The following MAST3 variants were observed in gnomAD, a reference collection of about 807,000 sequenced individuals.
The protein encoded by MAST3 is microtubule-associated serine/threonine-protein kinase 3.
Under a neutral mutation model 127.0 loss-of-function variants are expected in MAST3, and 43 were observed. The observed-to-expected ratio is 0.34, with a 90% CI of 0.27 to 0.44. The LOEUF (loss-of-function observed/expected upper bound fraction) is 0.44. Among genes scored for constraint, MAST3 ranks in the 20% least tolerant of loss-of-function variants. The pLI, the probability that MAST3 is intolerant of heterozygous loss-of-function variation, is 1.00. For missense variants in MAST3, 1,390 were observed against 1,919.1 expected, an observed-to-expected ratio of 0.72 and a Z score of 5.15; for synonymous variants, 785 against 809.2, an observed-to-expected ratio of 0.97 and a Z score of 0.51.
At chr19:18,109,600 TGAGA>T (rs1281345195) in intron 2 of MAST3, among the ~76,000 whole-genome samples, 8 of 151,750 alleles carry the variant, frequency 5.3e-5, no homozygotes, top group African/African-American at 1.9e-4. Context: ...GGGTTTGCGC[TGAGA>T]GGGAGGAAGG....
rs1254284604 is a variant in MAST3 at position 18,098,298 on chromosome 19, C to T, written c.39+467C>T. On this transcript the variant is annotated intron_variant, in intron 1 of 27. Coordinates refer to ENST00000687212, the MANE Select transcript of MAST3 (RefSeq NM_001393504.1). ...TGGGGAGGTTGGGGCTGTCAGGCGC[C>T]CATTTGTCAGAATAAGGAAACTGAG... Among the ~76,000 whole-genome samples the T allele has an allele frequency of 2.0e-5, 3 of 152,190 alleles. No individual in the cohort carries two copies. The South Asian group carries it at 6.2e-4, about 32-fold the overall frequency.
At chr19:18,124,409 C>T in intron 10 of MAST3, 43 bp downstream of exon 10, 1 of 1,533,202 alleles carries the variant, frequency 6.5e-7, no homozygotes. Context: ...CCAGGCAGAA[C>T]TGAGATTGGG....
intron 20 of MAST3, among the ~76,000 whole-genome samples, chr19:18,139,944 C>T (rs1210650062): frequency 3.3e-5 from 5 of 149,420 alleles, no homozygotes; most frequent in African/African-American, 1.2e-4. Flanking sequence ...CTCAGCCTCC[C>T]AAGTAGCTGG....
intron 14 of MAST3, among the ~76,000 whole-genome samples, chr19:18,131,087 C>G (rs1425025196): frequency 6.6e-6 from 1 of 152,188 alleles, no homozygotes; most frequent in Non-Finnish European, 1.5e-5. Flanking sequence ...CAGCTGTATA[C>G]AGCACTAATT....
At chr19:18,102,419 T>C (rs1189710376) in intron 1 of MAST3, among the ~76,000 whole-genome samples, 2 of 151,554 alleles carry the variant, frequency 1.3e-5, no homozygotes, top group African/African-American at 4.9e-5. Context: ...CCTCAGGTGA[T>C]CTGCCTGCCT....
intron 4 of MAST3, 37 bp from the exon 5 acceptor site, chr19:18,121,816 C>T (rs2147172000): frequency 6.2e-7 from 1 of 1,613,642 alleles, no homozygotes; most frequent in Non-Finnish European, 8.5e-7. Flanking sequence ...CCTGCCTCTG[C>T]CCCGCTGACT....
At position 18,128,442 on chromosome 19, in the gene MAST3, C is replaced by G. The variant is rs1232318966; in HGVS notation, c.1121C>G (p.Ala374Gly). 3.2e-6 allele frequency: 5 copies of G among 1,556,486 alleles called. No individual in the cohort carries two copies. The highest frequency in any genetic ancestry group is 4.3e-6 in the Non-Finnish European group (5 of 1,150,026). Residue 374 changes from alanine (A) to glycine (G), a missense_variant, in exon 12 of 28, where the codon GCA becomes GGA. Coordinates refer to ENST00000687212, the MANE Select transcript of MAST3 (RefSeq NM_001393504.1). ...LSHLEEEQPP[A>G]PESPESRALV... ...CACCTCGAAGAAGAACAGCCCCCAG[C>G]ACCTGAGTCCCCAGAGGTGAGTAGC...
chr19:18,130,718 C>T lies in MAST3; in HGVS notation c.1432+16C>T. On this transcript the variant is annotated intron_variant, in intron 14 of 27. Coordinates refer to ENST00000687212, the MANE Select transcript of MAST3 (RefSeq NM_001393504.1). ...TACGTGGAAGGTACGCTCACTGGGG[C>T]TTGCATGCCTCCAGCGATGGGGAGC... The T allele has an allele frequency of 6.2e-7, 1 of 1,609,990 alleles. No homozygotes were observed. Among genetic ancestry groups the T allele is most frequent in the Non-Finnish European group, 8.5e-7 (1 of 1,177,816 alleles).
chr19:18,149,270 C>T lies in MAST3; in HGVS notation c.3588C>T (p.Pro1196=), dbSNP rs755467752. The T allele has an allele frequency of 6.4e-7, 1 of 1,552,624 alleles. No homozygotes were observed. The highest frequency in any genetic ancestry group is 8.7e-7 in the Non-Finnish European group (1 of 1,152,804). ...ASPAAAGHTR[P]SSLHGLAAKL... Reference sequence around the variant, plus strand: ...CAGCTGCTGCTGGCCACACCCGCCCCAGCTCCCTGCACGGCCTGGCTGCCA... The same window carrying T: ...CAGCTGCTGCTGGCCACACCCGCCCTAGCTCCCTGCACGGCCTGGCTGCCA... Residue 1196 remains proline, a synonymous_variant, in exon 28 of 28, where the codon CCC becomes CCT. Transcript: ENST00000687212. The surrounding 1 kb of genome is among the most constrained non-coding windows in gnomAD (Gnocchi z 5.9).
At chr19:18,106,966 ATTTTTTTTTTTTTTTTTT>A (rs60298417) in intron 1 of MAST3, among the ~76,000 whole-genome samples, 1 of 73,920 alleles carries the variant, frequency 1.4e-5, no homozygotes, top group Non-Finnish European at 2.4e-5. Context: ...ATGCCCAGCA[ATTTTTTTTTTTTTTTTTT>A]TTTTTTTTTT....
Position 18,145,282 on chromosome 19 carries a change from G to A in MAST3, c.3039+53G>A, listed in dbSNP as rs79802934. The A allele has an allele frequency of 7.6e-3, 11,721 of 1,540,654 alleles. 692 individuals are homozygous for A. In the African/African-American group the frequency reaches 0.13, roughly 17 times the overall value. ...CCCGGGTTCTAGTTTGACTCTGCCC[G>A]GTCATGTCCCTTCTCAGAGCTGCAT... is the stretch of plus-strand genomic sequence containing the variant. On this transcript the variant is annotated intron_variant, in intron 24 of 27. Coordinates refer to ENST00000687212, the MANE Select transcript of MAST3 (RefSeq NM_001393504.1). This position sits in a 1 kb window ranked among gnomAD's most constrained non-coding sequence, Gnocchi z 5.9.
chr19:18,111,530 C>CTTTTTTTTTTTTTTTTTTT lies in MAST3; in HGVS notation c.161+793_161+811dup, dbSNP rs576984210. 1.5e-4 allele frequency among the ~76,000 whole-genome samples: 15 copies of CTTTTTTTTTTTTTTTTTTT among 103,256 alleles called. 2 individuals carry two copies. Among genetic ancestry groups the CTTTTTTTTTTTTTTTTTTT allele is most frequent in the African/African-American group, 6.9e-4 (15 of 21,620 alleles). 67.7% of individuals were successfully genotyped at this position (103,256 alleles called of 152,430 possible). A position where few individuals can be genotyped will look rare whatever the true frequency, so the allele number is the denominator to read the frequency against. ...TGAGCTGCTTAACTCTTTCCACAGACTTTTTTTTTTTTTTTTTTTTTTGAG... is the reference window on the plus strand; with the variant it reads ...TGAGCTGCTTAACTCTTTCCACAGACTTTTTTTTTTTTTTTTTTTTTTTTTTTTTTTTTTTTTTTTTGAG... On this transcript the variant is annotated intron_variant, in intron 3 of 27. Transcript: ENST00000687212.
chr19:18,148,241 C>T (rs983033453), intron 27 of MAST3, among the ~76,000 whole-genome samples: 24 of 151,538 alleles, frequency 1.6e-4, no homozygotes, highest in Non-Finnish European at 2.8e-4. Flanking sequence ...GTGGAGGTTG[C>T]GGTGAGCCGA....
rs575877011 is a variant in MAST3, at chr19:18,122,887, C to T, written c.399+136C>T. 94 of 996,196 alleles carry T rather than the reference C, an allele frequency of 9.4e-5. No homozygotes were observed. The African/African-American group carries it at 1.3e-3, about 13-fold the overall frequency. 61.7% of individuals were successfully genotyped at this position (996,196 alleles called of 1,614,324 possible). A position where few individuals can be genotyped will look rare whatever the true frequency, so the allele number is the denominator to read the frequency against. On this transcript the variant is annotated intron_variant, in intron 6 of 27. Coordinates refer to ENST00000687212, the MANE Select transcript of MAST3 (RefSeq NM_001393504.1). ...ACTAGTTACTTCCTCCATGCACGCCCCATTCTGGGAAATGCAGGGTCCCCT... is the reference window on the plus strand; with the variant it reads ...ACTAGTTACTTCCTCCATGCACGCCTCATTCTGGGAAATGCAGGGTCCCCT...
intron 3 of MAST3, among the ~76,000 whole-genome samples, chr19:18,116,407 C>T (rs2039262449): frequency 6.6e-6 from 1 of 151,228 alleles, no homozygotes; most frequent in Non-Finnish European, 1.5e-5. Flanking sequence ...ATTCTCCTGC[C>T]TCAGCCTCCC....
rs771253623 is a variant in MAST3 at position 18,144,733 on chromosome 19, C to T, written c.2812+40C>T. On this transcript the variant is annotated intron_variant, in intron 23 of 27. Coordinates refer to ENST00000687212, the MANE Select transcript of MAST3 (RefSeq NM_001393504.1). This position sits in a 1 kb window ranked among gnomAD's most constrained non-coding sequence, Gnocchi z 4.0. ...CCCTCTCACCTTTGTCTGTCTGCAC[C>T]CATTTTCACCAACAGGGTGGGGGCC... 2.5e-6 allele frequency: 4 copies of T among 1,593,414 alleles called. No individual in the cohort carries two copies. Among genetic ancestry groups the T allele is most frequent in the Non-Finnish European group, 2.6e-6 (3 of 1,173,042 alleles).
At chr19:18,146,754 TG>T in intron 25 of MAST3, 126 bp from the exon 26 acceptor site, 2 of 839,308 alleles carry the variant, frequency 2.4e-6, no homozygotes, top group Non-Finnish European at 3.7e-6. Context: ...ACTGGTTGTG[TG>T]GATGAATGGA....
At chr19:18,143,640 C>A (rs554453184) in intron 21 of MAST3, 123 bp from the exon 22 acceptor site, 305 of 1,244,296 alleles carry the variant, frequency 2.5e-4, no homozygotes, top group Middle Eastern at 1.5e-3. Flanking sequence ...AGAAGGAACT[C>A]GTCCTGTCTA....
Position 18,149,809 on chromosome 19 carries a change from G to C in MAST3, c.*83G>C. ...TTCCGTAAAGTCATGCCTGGATGGG[G>C]ACTGAGCCACCAGCCTGACACCCAG... is the stretch of plus-strand genomic sequence containing the variant. On this transcript the variant is annotated 3_prime_UTR_variant, in exon 28 of 28. Transcript: ENST00000687212. This position sits in a 1 kb window ranked among gnomAD's most constrained non-coding sequence, Gnocchi z 5.9. The C allele has an allele frequency of 2.6e-6, 4 of 1,564,820 alleles. No individual in the cohort carries two copies. In the East Asian group the frequency reaches 9.1e-5, roughly 36 times the overall value.
Sources: allele counts gnomAD v4.1 joint callset (sites outside exome capture counted in the v4.1 genomes callset), GRCh38; gene constraint gnomAD v4.1.1; non-coding constraint Gnocchi (gnomAD v3.1); transcripts MANE v1.5; gene names NCBI Gene and HGNC (gene_info 2026-07-23, HGNC 2026-07-21).